PCDHGB1: variants seen among roughly 807,000 people sequenced by gnomAD.
PCDHGB1 encodes the protein protocadherin gamma-B1.
PCDHGB1 carries 34 observed loss-of-function variants against 56.6 expected under a neutral mutation model. The ratio of observed to expected loss-of-function variants is 0.60; its 90% CI spans 0.46 to 0.80. The LOEUF is 0.80. PCDHGB1 is among the 30% of genes least tolerant of loss of function. The pLI is 0.00. For synonymous variants in PCDHGB1, 561 were observed against 505.9 expected (o/e 1.11, Z -1.46); for missense variants, 1,278 against 1,204.6 (o/e 1.06, Z -0.90).
chr5:141,400,965 CTCTT>C (rs2094096418), intron 1 of PCDHGB1, among the ~76,000 whole-genome samples: 1 of 151,032 alleles, frequency 6.6e-6, no homozygotes, highest in Non-Finnish European at 1.5e-5. Flanking sequence ...TAGTTTTCAT[CTCTT>C]TCTTATGTTC....
intron 1 of PCDHGB1, among the ~76,000 whole-genome samples, chr5:141,386,628 C>A (rs529516653): frequency 2.0e-5 from 3 of 151,780 alleles, no homozygotes; most frequent in Non-Finnish European, 4.4e-5. Flanking sequence ...CTCGCTCTGT[C>A]ACCCAGGCTG....
intron 1 of PCDHGB1, chr5:141,364,345 T>C: frequency 6.5e-7 from 1 of 1,543,088 alleles, no homozygotes; most frequent in African/African-American, 1.4e-5. Context: ...CGAGTCCACC[T>C]AGGGGCTGGG....
At chr5:141,488,855 C>T (rs1441666819) in intron 1 of PCDHGB1, among the ~76,000 whole-genome samples, 2 of 152,190 alleles carry the variant, frequency 1.3e-5, no homozygotes, top group Non-Finnish European at 1.5e-5. Context: ...ACCTGCAGCA[C>T]GAAGTGAGTG....
At chr5:141,371,718 A>C in intron 1 of PCDHGB1, 1 of 1,614,064 alleles carries the variant, frequency 6.2e-7, no homozygotes, top group Non-Finnish European at 8.5e-7. Flanking sequence ...CACTCTGCAC[A>C]TCCTTGATGT....
At chr5:141,415,056 G>C in intron 1 of PCDHGB1, 2 of 1,613,416 alleles carry the variant, frequency 1.2e-6, no homozygotes, top group Non-Finnish European at 1.7e-6. Flanking sequence ...GGGAGCACAC[G>C]GGCGAGGTGC....
chr5:141,400,129 C>T (rs530393607), intron 1 of PCDHGB1: 1 of 1,614,104 alleles, frequency 6.2e-7, no homozygotes, highest in Admixed American at 1.7e-5. Flanking sequence ...GCAGGAGGTG[C>T]TGCCGGATAT....
intron 1 of PCDHGB1, chr5:141,421,333 G>A (rs1458277535): frequency 2.5e-6 from 4 of 1,613,850 alleles, no homozygotes; most frequent in Admixed American, 1.7e-5. Flanking sequence ...CCGATATTCG[G>A]TGCCAGAAGA....
chr5:141,369,898 C>A (rs1410359575), intron 1 of PCDHGB1, among the ~76,000 whole-genome samples: 1 of 152,106 alleles, frequency 6.6e-6, no homozygotes, highest in Non-Finnish European at 1.5e-5. Flanking sequence ...TTATTATGAC[C>A]ATTTTATGAA....
Position 141,403,639 on chromosome 5 carries a change from T to C in PCDHGB1, c.2409+50970T>C, listed in dbSNP as rs377402370. On this transcript the variant is annotated intron_variant, in intron 1 of 3. Coordinates refer to ENST00000523390, the MANE Select transcript of PCDHGB1 (RefSeq NM_018922.3). ...GTCGCTCCAGCACAGTGCGCATCCA[T>C]GTGACAGTGTTGGATACAAATGATA... 1.4e-4 allele frequency: 219 copies of C among 1,613,892 alleles called. 1 individual carries two copies. The East Asian group carries it at 4.5e-3, about 33-fold the overall frequency.
chr5:141,374,131 C>T (rs1425329910), intron 1 of PCDHGB1: 4 of 1,604,596 alleles, frequency 2.5e-6, no homozygotes, highest in Non-Finnish European at 8.5e-7. Context: ...AGGTCCTGCT[C>T]CTCACGCTCC....
chr5:141,365,093 A>G (rs528661266), intron 1 of PCDHGB1: 1 of 1,613,880 alleles, frequency 6.2e-7, no homozygotes, highest in African/African-American at 1.3e-5. Context: ...TCCAGAGAAC[A>G]TACCTGTGGG....
At chr5:141,464,862 C>T (rs1166573359) in intron 1 of PCDHGB1, among the ~76,000 whole-genome samples, 1 of 152,076 alleles carries the variant, frequency 6.6e-6, no homozygotes, top group African/African-American at 2.4e-5. Context: ...CCTTAGCCTC[C>T]CAAGTAGCTA....
chr5:141,418,080 A>T (rs1590086455), intron 1 of PCDHGB1: 1 of 1,614,046 alleles, frequency 6.2e-7, no homozygotes, highest in East Asian at 2.2e-5. Flanking sequence ...GAGAAGCTGC[A>T]CTTCAGCGTA....
chr5:141,488,158 G>A (rs534297140), intron 1 of PCDHGB1, among the ~76,000 whole-genome samples: 4 of 152,328 alleles, frequency 2.6e-5, no homozygotes, highest in South Asian at 2.1e-4. Context: ...AGAGAGGCAC[G>A]CATCAGAGTG....
Position 141,392,773 on chromosome 5 carries a change from G to A in PCDHGB1, c.2409+40104G>A, listed in dbSNP as rs767754110. Reference sequence around the variant, plus strand: ...AAGAAACTAAATAAGACCCATTTATGCACAGTGAAGATTCTGAGAGGATTC... The same window carrying A: ...AAGAAACTAAATAAGACCCATTTATACACAGTGAAGATTCTGAGAGGATTC... On this transcript the variant is annotated intron_variant, in intron 1 of 3. Transcript: ENST00000523390. 4 of 1,518,312 alleles carry A rather than the reference G, an allele frequency of 2.6e-6. No homozygotes were observed. In the African/African-American group the frequency reaches 5.6e-5, roughly 21 times the overall value. The allele number at this position is 1,518,312 out of a possible 1,614,324, so 94.1% of individuals were successfully genotyped here.
At chr5:141,398,534 A>T in intron 1 of PCDHGB1, 1 of 1,613,768 alleles carries the variant, frequency 6.2e-7, no homozygotes, top group South Asian at 1.1e-5. Flanking sequence ...TTCACGCAAA[A>T]TTCCTTTGAG....
At position 141,487,665 on chromosome 5, in the gene PCDHGB1, G is replaced by C. The variant is rs373971935; in HGVS notation, c.2410-7142G>C. 2.1e-5 allele frequency: 34 copies of C among 1,612,724 alleles called. No homozygotes were observed. In the South Asian group the frequency reaches 3.4e-4, roughly 16 times the overall value. ...ATGCTTGAGGGTTATTCTGATCCAG[G>C]CATATGGCTAGGCCATGTCCTAGAG... On this transcript the variant is annotated intron_variant, in intron 1 of 3. Transcript: ENST00000523390. The surrounding 1 kb of genome is among the most constrained non-coding windows in gnomAD (Gnocchi z 5.0).
intron 1 of PCDHGB1, among the ~76,000 whole-genome samples, chr5:141,452,375 G>A (rs1239059045): frequency 2.0e-5 from 3 of 152,194 alleles, no homozygotes; most frequent in African/African-American, 7.2e-5. Context: ...TTTTAGTAGG[G>A]AATAGTATTT....
At chr5:141,390,414 G>A in intron 1 of PCDHGB1, 1 of 1,159,988 alleles carries the variant, frequency 8.6e-7, no homozygotes, top group Non-Finnish European at 1.2e-6. Context: ...GTTGTAGTCA[G>A]TTAAAAAGCT....
Sources: allele counts gnomAD v4.1 joint callset (sites outside exome capture counted in the v4.1 genomes callset), GRCh38; gene constraint gnomAD v4.1.1; non-coding constraint Gnocchi (gnomAD v3.1); transcripts MANE v1.5; gene names NCBI Gene and HGNC (gene_info 2026-07-23, HGNC 2026-07-21).